DEFB125: variants seen among roughly 807,000 people sequenced by gnomAD.
DEFB125 encodes the protein beta-defensin 125.
In DEFB125, 11 loss-of-function variants were observed where a neutral mutation model predicts 11.8. The ratio of observed to expected loss-of-function variants is 0.94; its 90% CI spans 0.59 to 1.55. The LOEUF (loss-of-function observed/expected upper bound fraction) is 1.55, where lower values mean the gene tolerates loss of function less well. DEFB125 is among the 40% of genes most tolerant of loss of function. The pLI is 0.00. For missense variants in DEFB125, 198 were observed against 191.2 expected (o/e 1.04, Z -0.21); for synonymous variants, 79 against 66.7 (o/e 1.18, Z -0.90).
intron 1 of DEFB125, among the ~76,000 whole-genome samples, chr20:95,594 T>C (rs1392378153): frequency 4.6e-5 from 7 of 152,184 alleles, no homozygotes; most frequent in Non-Finnish European, 8.8e-5. Flanking sequence ...GCTGGCCTCA[T>C]AGAATAAGTT....
chr20:93,902 AT>A lies in DEFB125; in HGVS notation c.59-2093del, dbSNP rs34618192. Among the ~76,000 whole-genome samples the A allele has an allele frequency of 2.6e-3, 388 of 150,140 alleles. 2 individuals carry two copies. The highest frequency in any genetic ancestry group is 8.3e-3 in the African/African-American group (340 of 40,862). On this transcript the variant is annotated intron_variant, in intron 1 of 1. Coordinates refer to ENST00000382410, the MANE Select transcript of DEFB125 (RefSeq NM_153325.4). Reference sequence around the variant, plus strand: ...TAGAATAACTTTGAGGCTTGGTAATATTTTTTTTTTCCTGTGGTAATTCCCT... The same window carrying A: ...TAGAATAACTTTGAGGCTTGGTAATATTTTTTTTTCCTGTGGTAATTCCCT...
At chr20:92,392 C>T (rs964927230) in intron 1 of DEFB125, among the ~76,000 whole-genome samples, 17 of 142,904 alleles carry the variant, frequency 1.2e-4, no homozygotes, top group African/African-American at 5.1e-4. Flanking sequence ...ATGAACCTTC[C>T]TTCTTTTTTT....
chr20:95,655 G>A (rs2054511999), intron 1 of DEFB125, among the ~76,000 whole-genome samples: 1 of 152,276 alleles, frequency 6.6e-6, no homozygotes, highest in East Asian at 1.9e-4. Context: ...CAGTAGGAAT[G>A]ATACCAGCTC....
chr20:95,763 G>GCT (rs1005476510), intron 1 of DEFB125, among the ~76,000 whole-genome samples: 81 of 151,716 alleles, frequency 5.3e-4, no homozygotes, highest in African/African-American at 1.9e-3. Context: ...GTCTCAGTAT[G>GCT]CTCTCTCTCT....
At chr20:87,848 G>C in intron 1 of DEFB125, 81 bp downstream of exon 1, 1 of 1,472,436 alleles carries the variant, frequency 6.8e-7, no homozygotes, top group Non-Finnish European at 9.5e-7. Context: ...GATGGGAAGA[G>C]AGGGAATCTG....
intron 1 of DEFB125, among the ~76,000 whole-genome samples, chr20:88,897 C>T (rs1413037112): frequency 1.3e-5 from 2 of 151,718 alleles, no homozygotes; most frequent in African/African-American, 4.9e-5. Context: ...CACACACAGT[C>T]AAACCACCTA....
chr20:90,309 C>T (rs2054491651), intron 1 of DEFB125, among the ~76,000 whole-genome samples: 2 of 152,266 alleles, frequency 1.3e-5, no homozygotes, highest in Middle Eastern at 6.8e-3. Flanking sequence ...TTCCCAATTG[C>T]CATCATTCTA....
chr20:88,967 C>G (rs2054486932), intron 1 of DEFB125, among the ~76,000 whole-genome samples: 1 of 152,078 alleles, frequency 6.6e-6, no homozygotes, highest in Non-Finnish European at 1.5e-5. Flanking sequence ...CAGCTTCCCA[C>G]ACCCTCATCA....
intron 1 of DEFB125, among the ~76,000 whole-genome samples, chr20:91,821 G>T (rs987718606): frequency 3.3e-5 from 5 of 152,232 alleles, no homozygotes; most frequent in Non-Finnish European, 7.3e-5. Context: ...AATCTTTGTA[G>T]ATGTGAGGAA....
intron 1 of DEFB125, among the ~76,000 whole-genome samples, chr20:88,881 C>CACAT (rs2054486486): frequency 6.6e-6 from 1 of 151,926 alleles, no homozygotes; most frequent in African/African-American, 2.4e-5. Flanking sequence ...CACACACACA[C>CACAT]ACACACACAC....
rs375564330 is a variant in DEFB125, at chr20:96,197, A to G, written c.251A>G (p.Asp84Gly). 7 of 1,614,188 alleles carry G rather than the reference A, an allele frequency of 4.3e-6. No individual in the cohort carries two copies. Among genetic ancestry groups the G allele is most frequent in the Non-Finnish European group, 5.9e-6 (7 of 1,180,030 alleles). ...HLEDITLDYS[D>G]VDSFTGSPVS... ...GAGGATATAACATTGGATTATAGTG[A>G]TGTGGACTCTTTTACTGGTTCCCCA... The change falls in exon 2 of 2, where the codon GAT becomes GGT. Residue 84 changes from aspartate to glycine, a missense_variant. Coordinates refer to ENST00000382410, the MANE Select transcript of DEFB125 (RefSeq NM_153325.4).
intron 1 of DEFB125, among the ~76,000 whole-genome samples, chr20:94,252 AT>A (rs1213806688): frequency 6.6e-6 from 1 of 151,986 alleles, no homozygotes; most frequent in Non-Finnish European, 1.5e-5. Context: ...AACATTTGTC[AT>A]TTTTTTATAT....
chr20:96,239 A>G lies in DEFB125; in HGVS notation c.293A>G (p.Asp98Gly). 6.2e-7 allele frequency: 1 copy of G among 1,614,172 alleles called. No homozygotes were observed. The highest frequency in any genetic ancestry group is 8.5e-7 in the Non-Finnish European group (1 of 1,180,026). The change falls in exon 2 of 2, where the codon GAT becomes GGT. Residue 98 changes from aspartate to glycine, a missense_variant. Asp to Gly is a moderately conservative substitution (Grantham distance 94). Coordinates refer to ENST00000382410, the MANE Select transcript of DEFB125 (RefSeq NM_153325.4). ...FTGSPVSMLN[D>G]LITFDTTKFG... ...GGTTCCCCAGTATCTATGTTGAATG[A>G]TCTGATAACATTTGACACAACTAAA...
intron 1 of DEFB125, among the ~76,000 whole-genome samples, chr20:89,913 CTTATAGG>C (rs908545956): frequency 5.9e-5 from 9 of 151,902 alleles, no homozygotes; most frequent in Non-Finnish European, 1.2e-4. Context: ...TTTGTGTTCT[CTTATAGG>C]TTTTGTTTTG....
At chr20:88,703 T>A (rs2054485369) in intron 1 of DEFB125, among the ~76,000 whole-genome samples, 1 of 152,208 alleles carries the variant, frequency 6.6e-6, no homozygotes, top group Non-Finnish European at 1.5e-5. Flanking sequence ...ACCTAGTTCA[T>A]TATTTTTAAT....
At chr20:91,114 C>G (rs1600134080) in intron 1 of DEFB125, among the ~76,000 whole-genome samples, 1 of 152,090 alleles carries the variant, frequency 6.6e-6, no homozygotes, top group African/African-American at 2.4e-5. Context: ...TGAGAAATGT[C>G]TATTCAAATC....
chr20:96,536 G>A lies in DEFB125; in HGVS notation c.*119G>A, dbSNP rs1013334029. 4.2e-5 allele frequency: 53 copies of A among 1,271,244 alleles called. No individual in the cohort carries two copies. In the African/African-American group the frequency reaches 7.2e-4, roughly 17 times the overall value. 78.7% of individuals were successfully genotyped at this position (1,271,244 alleles called of 1,614,324 possible). On this transcript the variant is annotated 3_prime_UTR_variant, in exon 2 of 2. Coordinates refer to ENST00000382410, the MANE Select transcript of DEFB125 (RefSeq NM_153325.4). The stretch of plus-strand genomic sequence containing the variant: ...TCCATCAGGGATTGGATGACCATGG[G>A]GATGGACATAATTGCTACTACCAAC...
At chr20:88,013 G>C (rs560635144) in intron 1 of DEFB125, among the ~76,000 whole-genome samples, 1 of 152,248 alleles carries the variant, frequency 6.6e-6, no homozygotes, top group South Asian at 2.1e-4. Context: ...TTAATGCTCT[G>C]AGCCACCCTA....
chr20:95,216 ACTTAT>A (rs2054510424), intron 1 of DEFB125, among the ~76,000 whole-genome samples: 1 of 151,864 alleles, frequency 6.6e-6, no homozygotes, highest in Non-Finnish European at 1.5e-5. Flanking sequence ...TTTTGATCTG[ACTTAT>A]CTTATTGGTC....
Sources: allele counts gnomAD v4.1 joint callset (sites outside exome capture counted in the v4.1 genomes callset), GRCh38; gene constraint gnomAD v4.1.1; transcripts MANE v1.5; gene names NCBI Gene and HGNC (gene_info 2026-07-23, HGNC 2026-07-21).